TBCA: variants seen among roughly 807,000 people sequenced by gnomAD.
TBCA encodes tubulin-specific chaperone A.
Under a neutral mutation model 15.8 loss-of-function variants are expected in TBCA, and 6 were observed. The observed-to-expected ratio is 0.38, with a 90% CI of 0.21 to 0.75. The LOEUF is 0.75. Ranked by LOEUF, TBCA falls within the 30% of genes least tolerant of loss-of-function variation. TBCA has a pLI of 0.46. For synonymous variants in TBCA, 32 were observed against 42.3 expected (o/e 0.76, Z 0.94); for missense variants, 90 against 131.2 (o/e 0.69, Z 1.53).
chr5:77,751,675 C>G (rs1747346651), intron 1 of TBCA, among the ~76,000 whole-genome samples: 1 of 152,168 alleles, frequency 6.6e-6, no homozygotes, highest in African/African-American at 2.4e-5. Context: ...AGGGGTTCAC[C>G]CTGCCCACTG....
intron 2 of TBCA, among the ~76,000 whole-genome samples, chr5:77,701,684 T>TAC (rs1746019716): frequency 2.5e-5 from 1 of 40,278 alleles, no homozygotes; most frequent in African/African-American, 8.2e-5. Context: ...GTGGCATGCA[T>TAC]ATATATATAT....
At chr5:77,693,036 C>T in intron 3 of TBCA, 3 of 1,424,918 alleles carry the variant, frequency 2.1e-6, no homozygotes, top group Non-Finnish European at 2.7e-6. Flanking sequence ...ATTTAACTAG[C>T]TAAATTTTAA....
chr5:77,721,489 T>C (rs988930917), intron 1 of TBCA, among the ~76,000 whole-genome samples: 12 of 152,136 alleles, frequency 7.9e-5, no homozygotes, highest in South Asian at 2.1e-4. Flanking sequence ...ATAATTTTCA[T>C]TCAGAAAAAC....
At chr5:77,691,736 T>G in intron 3 of TBCA, 1 of 1,161,058 alleles carries the variant, frequency 8.6e-7, no homozygotes. Context: ...ATAAAATAAG[T>G]GAATAACAGT....
intron 1 of TBCA, among the ~76,000 whole-genome samples, chr5:77,756,233 T>C (rs1467495969): frequency 6.6e-6 from 1 of 152,138 alleles, no homozygotes; most frequent in Non-Finnish European, 1.5e-5. Context: ...TCAATTTTTC[T>C]CTCCAGAGGT....
At chr5:77,708,113 A>T in intron 2 of TBCA, 129 bp downstream of exon 2, 1 of 623,582 alleles carries the variant, frequency 1.6e-6, no homozygotes, top group Non-Finnish European at 2.7e-6. Flanking sequence ...CCTTATCTTT[A>T]AATGGAAGTT....
intron 2 of TBCA, among the ~76,000 whole-genome samples, chr5:77,699,019 AT>A (rs1301425726): frequency 1.1e-5 from 1 of 88,730 alleles, no homozygotes; most frequent in Non-Finnish European, 2.3e-5. Flanking sequence ...AAACAATACC[AT>A]TTGCAAGAGC....
chr5:77,713,942 A>T (rs34514737), intron 1 of TBCA, among the ~76,000 whole-genome samples: 11,974 of 151,724 alleles, frequency 0.079, 626 homozygotes, highest in Middle Eastern at 0.12. Context: ...AAAGCTGGAA[A>T]AGAAAAGCAA....
chr5:77,738,089 C>A (rs1367200018), intron 1 of TBCA, among the ~76,000 whole-genome samples: 1 of 152,190 alleles, frequency 6.6e-6, no homozygotes, highest in Non-Finnish European at 1.5e-5. Flanking sequence ...GGCTTAAGCT[C>A]TCTGGAAAGC....
intron 1 of TBCA, among the ~76,000 whole-genome samples, chr5:77,723,917 AAT>A (rs1746576394): frequency 6.6e-6 from 1 of 152,062 alleles, no homozygotes; most frequent in African/African-American, 2.4e-5. Context: ...AATATTTTGA[AAT>A]AGTTTTTAAT....
At chr5:77,709,877 C>T (rs1476136975) in intron 1 of TBCA, among the ~76,000 whole-genome samples, 1 of 152,058 alleles carries the variant, frequency 6.6e-6, no homozygotes, top group Non-Finnish European at 1.5e-5. Context: ...ACCCTGAAAA[C>T]ATGCTAAGTA....
intron 3 of TBCA, chr5:77,692,268 AAAGCAAAAC>A (rs1745767988): frequency 2.0e-6 from 2 of 985,428 alleles, no homozygotes; most frequent in Non-Finnish European, 2.4e-6. Flanking sequence ...ATGAAAACTG[AAAGCAAAAC>A]GACTGAGAAT....
chr5:77,701,567 C>T (rs749903317), intron 2 of TBCA, among the ~76,000 whole-genome samples: 10 of 151,212 alleles, frequency 6.6e-5, no homozygotes, highest in Non-Finnish European at 1.2e-4. Flanking sequence ...GAGGAAAAGA[C>T]GTCATTATAT....
At chr5:77,741,629 T>C (rs1458220890) in intron 1 of TBCA, among the ~76,000 whole-genome samples, 1 of 152,174 alleles carries the variant, frequency 6.6e-6, no homozygotes. Context: ...TTAAGTATTA[T>C]CCAGAGCAGA....
chr5:77,738,535 T>A (rs1217237216), intron 1 of TBCA, among the ~76,000 whole-genome samples: 1 of 152,252 alleles, frequency 6.6e-6, no homozygotes, highest in Non-Finnish European at 1.5e-5. Context: ...CACTAGGCTA[T>A]GATTCTGCTT....
chr5:77,719,214 G>A (rs1186976389), intron 1 of TBCA, among the ~76,000 whole-genome samples: 1 of 152,114 alleles, frequency 6.6e-6, no homozygotes, highest in East Asian at 1.9e-4. Flanking sequence ...TCCAAGAAAC[G>A]ATGAAAACAG....
intron 1 of TBCA, among the ~76,000 whole-genome samples, chr5:77,734,458 G>A (rs1223968832): frequency 1.3e-5 from 2 of 152,114 alleles, no homozygotes; most frequent in East Asian, 1.9e-4. Flanking sequence ...ATTCTAACCT[G>A]CACAGATAAC....
chr5:77,776,217 C>G lies in TBCA; in HGVS notation c.41G>C (p.Gly14Ala). Reference protein sequence around the residue: ...PRVRQIKIKTGVVKRLVKEKV... With the variant: ...PRVRQIKIKTAVVKRLVKEKV... ...CCCGGCTCCTTACCGCTTCACCACG[C>G]CGGTCTTGATCTTGATCTGTCTCAC... The change falls in exon 1 of 4, where the codon GGC becomes GCC. Residue 14 changes from glycine to alanine, a missense_variant. Gly to Ala is a moderately conservative substitution (Grantham distance 60, BLOSUM62 0). Coordinates refer to ENST00000380377, the MANE Select transcript of TBCA (RefSeq NM_004607.3). The G allele has an allele frequency of 6.4e-7, 1 of 1,572,560 alleles. No homozygotes were observed. The highest frequency in any genetic ancestry group is 8.6e-7 in the Non-Finnish European group (1 of 1,160,050).
chr5:77,706,440 G>C (rs942827285), intron 2 of TBCA, among the ~76,000 whole-genome samples: 3 of 152,108 alleles, frequency 2.0e-5, no homozygotes, highest in Admixed American at 1.3e-4. Context: ...GGAGGCTTTT[G>C]CAATAAATAG....
Sources: allele counts gnomAD v4.1 joint callset (sites outside exome capture counted in the v4.1 genomes callset), GRCh38; gene constraint gnomAD v4.1.1; transcripts MANE v1.5; gene names NCBI Gene and HGNC (gene_info 2026-07-23, HGNC 2026-07-21).